The following ARMH4 variants were observed in gnomAD, a reference collection of about 807,000 sequenced individuals.
ARMH4 encodes armadillo like helical domain containing 4.
In ARMH4, 49 loss-of-function variants were observed where a neutral mutation model predicts 61.9. That is an observed-to-expected ratio of 0.79 (90% CI 0.63 to 1.00). ARMH4 has a LOEUF of 1.00. Among genes scored for constraint, ARMH4 ranks in the 50% least tolerant of loss-of-function variants. ARMH4 has a pLI of 0.00. For synonymous variants in ARMH4, 368 were observed against 341.5 expected, an observed-to-expected ratio of 1.08 and a Z score of -0.85; for missense variants, 934 against 930.0, an observed-to-expected ratio of 1.00 and a Z score of -0.06.
At chr14:58,050,091 A>G (rs146045065) in intron 5 of ARMH4, among the ~76,000 whole-genome samples, 1 of 152,326 alleles carries the variant, frequency 6.6e-6, no homozygotes, top group East Asian at 1.9e-4. Flanking sequence ...TAATTTGTCT[A>G]TGGTGCACAT....
intron 5 of ARMH4, among the ~76,000 whole-genome samples, chr14:58,094,589 ATGTG>A (rs938442057): frequency 1.3e-5 from 2 of 152,196 alleles, no homozygotes; most frequent in African/African-American, 2.4e-5. Flanking sequence ...ATGTGTGTAC[ATGTG>A]TGTATGTTAT....
chr14:58,029,664 T>A (rs1844416531), intron 5 of ARMH4, among the ~76,000 whole-genome samples: 1 of 152,146 alleles, frequency 6.6e-6, no homozygotes, highest in African/African-American at 2.4e-5. Flanking sequence ...TAGTACTTCA[T>A]ATCCACTAGG....
intron 5 of ARMH4, among the ~76,000 whole-genome samples, chr14:58,064,595 T>A (rs900769818): frequency 4.6e-5 from 7 of 152,212 alleles, no homozygotes; most frequent in Admixed American, 2.0e-4. Context: ...TGACAAAGAA[T>A]GTAAAACATT....
chr14:58,123,549 G>A (rs964260945), intron 4 of ARMH4, among the ~76,000 whole-genome samples: 22 of 152,110 alleles, frequency 1.4e-4, no homozygotes, highest in South Asian at 2.1e-4. Flanking sequence ...CAATGAGGCC[G>A]TTGTCCCTCT....
intron 5 of ARMH4, among the ~76,000 whole-genome samples, chr14:58,058,312 G>A (rs1884415400): frequency 6.6e-6 from 1 of 152,060 alleles, no homozygotes; most frequent in Non-Finnish European, 1.5e-5. Flanking sequence ...GGAAAAGTCT[G>A]TACATATTCA....
intron 4 of ARMH4, among the ~76,000 whole-genome samples, chr14:58,106,863 C>T (rs1425988693): frequency 2.6e-5 from 4 of 151,524 alleles, no homozygotes; most frequent in Non-Finnish European, 4.4e-5. Context: ...TGAGCTTGTG[C>T]AAACCCAGAA....
At chr14:58,098,637 G>A (rs1228948588) in intron 4 of ARMH4, among the ~76,000 whole-genome samples, 1 of 152,196 alleles carries the variant, frequency 6.6e-6, no homozygotes, top group Non-Finnish European at 1.5e-5. Context: ...ATTCCCAGTG[G>A]AGGAAATGGC....
At chr14:58,082,091 C>T (rs956990258) in intron 5 of ARMH4, among the ~76,000 whole-genome samples, 14 of 152,206 alleles carry the variant, frequency 9.2e-5, no homozygotes, top group Non-Finnish European at 1.5e-4. Flanking sequence ...TCTCCTCACA[C>T]TAAACTGGTT....
intron 4 of ARMH4, among the ~76,000 whole-genome samples, chr14:58,127,726 C>T (rs1886950663): frequency 6.6e-6 from 1 of 152,098 alleles, no homozygotes; most frequent in Non-Finnish European, 1.5e-5. Flanking sequence ...AGAGTCCAAG[C>T]AAATTCAGTG....
intron 1 of ARMH4, among the ~76,000 whole-genome samples, chr14:58,145,293 T>C (rs1229494299): frequency 6.6e-6 from 1 of 152,206 alleles, no homozygotes; most frequent in Non-Finnish European, 1.5e-5. Flanking sequence ...TTTGACAAAA[T>C]GAGGAATTAA....
At chr14:58,029,822 T>C (rs570173723) in intron 5 of ARMH4, among the ~76,000 whole-genome samples, 29 of 152,262 alleles carry the variant, frequency 1.9e-4, no homozygotes, top group Non-Finnish European at 3.2e-4. Flanking sequence ...AAATAAAATA[T>C]TGACATATAA....
intron 1 of ARMH4, among the ~76,000 whole-genome samples, chr14:58,146,535 G>T (rs1054833983): frequency 6.6e-6 from 1 of 152,164 alleles, no homozygotes; most frequent in African/African-American, 2.4e-5. Flanking sequence ...CTAATAGCTT[G>T]GCAGTCTTCT....
chr14:58,113,488 T>C (rs375193367), intron 4 of ARMH4, among the ~76,000 whole-genome samples: 20 of 152,200 alleles, frequency 1.3e-4, no homozygotes, highest in African/African-American at 4.3e-4. Context: ...TTATTTATCT[T>C]GTGTGATACA....
At chr14:58,091,063 A>C (rs1422323857) in intron 5 of ARMH4, among the ~76,000 whole-genome samples, 3 of 150,168 alleles carry the variant, frequency 2.0e-5, no homozygotes, top group Non-Finnish European at 4.4e-5. Flanking sequence ...CTAAAAATAC[A>C]AAAATTACAG....
chr14:58,100,792 A>T (rs1456829112), intron 4 of ARMH4, among the ~76,000 whole-genome samples: 1 of 152,112 alleles, frequency 6.6e-6, no homozygotes, highest in East Asian at 1.9e-4. Flanking sequence ...ACAGCTTCAC[A>T]ATGTAGCAGG....
At chr14:58,097,785 A>C (rs986484669) in intron 4 of ARMH4, among the ~76,000 whole-genome samples, 3 of 151,790 alleles carry the variant, frequency 2.0e-5, no homozygotes, top group Non-Finnish European at 2.9e-5. Context: ...GGTTCACCAC[A>C]GTCTCAGACT....
chr14:58,124,194 G>A (rs1198350170), intron 4 of ARMH4, among the ~76,000 whole-genome samples: 4 of 152,170 alleles, frequency 2.6e-5, no homozygotes, highest in African/African-American at 9.7e-5. Flanking sequence ...TTAGTAAGAT[G>A]GACACCTGAA....
chr14:58,013,523 T>G (rs1882491391), intron 5 of ARMH4, among the ~76,000 whole-genome samples: 1 of 152,160 alleles, frequency 6.6e-6, no homozygotes, highest in Admixed American at 6.6e-5. Context: ...AGTCGGTGCC[T>G]CCATTTACAA....
intron 5 of ARMH4, among the ~76,000 whole-genome samples, chr14:58,058,182 G>T (rs1369956944): frequency 6.6e-6 from 1 of 152,120 alleles, no homozygotes; most frequent in Non-Finnish European, 1.5e-5. Flanking sequence ...TGTAGTATTT[G>T]CATGTAACTA....
Sources: allele counts gnomAD v4.1 joint callset (sites outside exome capture counted in the v4.1 genomes callset), GRCh38; gene constraint gnomAD v4.1.1; transcripts MANE v1.5; gene names NCBI Gene and HGNC (gene_info 2026-07-23, HGNC 2026-07-21).